Variants in AKAP19 observed in about 807,000 individuals in gnomAD.
AKAP19 encodes the protein small A-kinase anchoring protein.
the AKAP19 span, among the ~76,000 whole-genome samples, chr2:190,110,533 T>C: frequency 6.6e-6 from 1 of 152,334 alleles, no homozygotes; most frequent in African/African-American, 2.4e-5. Flanking sequence ...TCTGCTCAGA[T>C]GTAAGGTGAA....
chr2:189,941,854 A>T, the AKAP19 span, among the ~76,000 whole-genome samples: 1 of 152,240 alleles, frequency 6.6e-6, no homozygotes, highest in East Asian at 1.9e-4. Context: ...CAATTTGCCA[A>T]TTAAAAGTCA....
At chr2:189,941,568 A>G in the AKAP19 span, among the ~76,000 whole-genome samples, 1 of 152,228 alleles carries the variant, frequency 6.6e-6, no homozygotes. Flanking sequence ...ATAAAATAAA[A>G]TAACTTTGAG....
chr2:189,934,942 T>A, the AKAP19 span, among the ~76,000 whole-genome samples: 30 of 152,088 alleles, frequency 2.0e-4, 1 homozygote, highest in East Asian at 3.3e-3. Flanking sequence ...TTCAGGTGAA[T>A]CTCTGATTGT....
the AKAP19 span, among the ~76,000 whole-genome samples, chr2:190,012,552 TATC>T: frequency 6.6e-6 from 1 of 152,218 alleles, no homozygotes; most frequent in Non-Finnish European, 1.5e-5. Flanking sequence ...AAGAGCATGT[TATC>T]AGCAGTGACA....
chr2:189,975,082 T>C, the AKAP19 span, among the ~76,000 whole-genome samples: 1 of 152,246 alleles, frequency 6.6e-6, no homozygotes, highest in Non-Finnish European at 1.5e-5. Context: ...GCACTGATGG[T>C]CTTTACAATT....
the AKAP19 span, among the ~76,000 whole-genome samples, chr2:190,194,026 T>C: frequency 6.6e-6 from 1 of 152,220 alleles, no homozygotes. Flanking sequence ...CCTGTGATTT[T>C]CTTCTTTGTC....
chr2:190,196,297 G>A, the AKAP19 span, among the ~76,000 whole-genome samples: 3 of 151,876 alleles, frequency 2.0e-5, no homozygotes, highest in South Asian at 4.1e-4. Flanking sequence ...ATAGATTTAT[G>A]TTCAAGTTCA....
chr2:189,943,751 C>T, the AKAP19 span, among the ~76,000 whole-genome samples: 2 of 152,224 alleles, frequency 1.3e-5, no homozygotes, highest in South Asian at 4.1e-4. Flanking sequence ...TGGAGCCCAC[C>T]CCTTGCACCA....
chr2:190,180,071 G>A, the AKAP19 span, among the ~76,000 whole-genome samples: 1 of 152,204 alleles, frequency 6.6e-6, no homozygotes, highest in African/African-American at 2.4e-5. The surrounding 1 kb of genome is among the most constrained non-coding windows in gnomAD (Gnocchi z 6.8). Flanking sequence ...AACACGCTTG[G>A]AAAATGTTCT....
At chr2:190,132,287 AAAT>A in the AKAP19 span, among the ~76,000 whole-genome samples, 1 of 152,180 alleles carries the variant, frequency 6.6e-6, no homozygotes, top group Non-Finnish European at 1.5e-5. Context: ...GAAATAGAAA[AAAT>A]AATACTAAAA....
chr2:190,134,488 C>T, the AKAP19 span, among the ~76,000 whole-genome samples: 1 of 152,076 alleles, frequency 6.6e-6, no homozygotes, highest in African/African-American at 2.4e-5. Context: ...ATATTTATAA[C>T]ATGGGTATCT....
the AKAP19 span, among the ~76,000 whole-genome samples, chr2:189,965,506 T>C: frequency 6.6e-6 from 1 of 151,804 alleles, no homozygotes; most frequent in African/African-American, 2.4e-5. Context: ...TAGAAAATTC[T>C]CAAAAGAAAG....
the AKAP19 span, among the ~76,000 whole-genome samples, chr2:190,124,456 C>T: frequency 6.6e-6 from 1 of 152,166 alleles, no homozygotes; most frequent in Non-Finnish European, 1.5e-5. Flanking sequence ...TCTAAATATA[C>T]AAAAGGTACT....
chr2:189,932,214 C>T, the AKAP19 span, among the ~76,000 whole-genome samples: 1 of 152,046 alleles, frequency 6.6e-6, no homozygotes, highest in Non-Finnish European at 1.5e-5. Context: ...TCGAGACCAG[C>T]CTGGCCAACA....
At chr2:190,061,680 A>C in the AKAP19 span, among the ~76,000 whole-genome samples, 1 of 152,066 alleles carries the variant, frequency 6.6e-6, no homozygotes, top group African/African-American at 2.4e-5. Flanking sequence ...TAATTTTTGC[A>C]TATTCTTCAG....
the AKAP19 span, among the ~76,000 whole-genome samples, chr2:190,138,432 T>C: frequency 6.6e-6 from 1 of 152,320 alleles, no homozygotes; most frequent in Admixed American, 6.5e-5. Flanking sequence ...TTCCCGATAC[T>C]CCTAGGCAGT....
the AKAP19 span, among the ~76,000 whole-genome samples, chr2:190,155,301 T>C: frequency 1.3e-5 from 2 of 152,124 alleles, no homozygotes; most frequent in African/African-American, 4.8e-5. Context: ...CAGAATAAAG[T>C]ATTTCTGATG....
chr2:189,914,247 G>C, the AKAP19 span, among the ~76,000 whole-genome samples: 5 of 152,094 alleles, frequency 3.3e-5, no homozygotes, highest in African/African-American at 1.2e-4. Flanking sequence ...TAGAGATCTA[G>C]TTTCTAATCT....
chr2:190,030,383 G>GT, the AKAP19 span, among the ~76,000 whole-genome samples: 1 of 152,152 alleles, frequency 6.6e-6, no homozygotes, highest in Non-Finnish European at 1.5e-5. Context: ...AGGCTCTTCT[G>GT]TTTCTGTTAC....
Sources: gnomAD v4.1 joint callset for allele counts (sites outside exome capture counted in the v4.1 genomes callset) on GRCh38, gnomAD v4.1.1 for gene constraint, Gnocchi (gnomAD v3.1) non-coding constraint, MANE v1.5 for transcripts, NCBI Gene and HGNC (gene_info 2026-07-23, HGNC 2026-07-21) for gene names.